The following ATP11B variants were observed in gnomAD, a reference collection of about 807,000 sequenced individuals.
ATP11B encodes phospholipid-transporting ATPase IF.
ATP11B carries 81 observed loss-of-function variants against 157.8 expected under a neutral mutation model. The observed-to-expected ratio is 0.51, with a 90% CI of 0.43 to 0.62. ATP11B has a LOEUF of 0.62. Among genes scored for constraint, ATP11B ranks in the 20% least tolerant of loss-of-function variants. The probability of loss-of-function intolerance (pLI) is 0.00; values close to 1 mark genes in which losing one functional copy is unlikely to be tolerated. For synonymous variants in ATP11B, 451 were observed against 469.4 expected (o/e 0.96, Z 0.51); for missense variants, 1,165 against 1,402.2 (o/e 0.83, Z 2.70).
rs952619333 is a variant in ATP11B, at chr3:182,847,085, CTGT to C, written c.770-1388_770-1386del. Among the ~76,000 whole-genome samples the C allele has an allele frequency of 2.2e-5, 3 of 135,866 alleles. No homozygotes were observed. In the Admixed American group the frequency reaches 2.4e-4, roughly 11 times the overall value. The allele number at this position is 135,866 out of a possible 152,430, so 89.1% of individuals were successfully genotyped here. On this transcript the variant is annotated intron_variant, in intron 9 of 29. Coordinates refer to ENST00000323116, the MANE Select transcript of ATP11B (RefSeq NM_014616.3). ...TTTTTTTTTTTGAGACATGGTTACT[CTGT>C]TGCCCAGGCTGGAGTATAGTTGCAC...
rs1717025222 is a variant in ATP11B at position 182,817,318 on chromosome 3, G to A, written c.28-2942G>A. Among the ~76,000 whole-genome samples, 2 of 151,346 alleles carry A rather than the reference G, an allele frequency of 1.3e-5. 1 individual carries two copies. Among genetic ancestry groups the A allele is most frequent in the South Asian group, 4.2e-4 (2 of 4,804 alleles). The stretch of plus-strand genomic sequence containing the variant: ...TGTTTTTGAGACAGAGTCTTGCTGT[G>A]TTGCCAGGCTGGAGTGCAGTGGCAC... On this transcript the variant is annotated intron_variant, in intron 1 of 29. Transcript: ENST00000323116.
Position 182,842,085 on chromosome 3 carries a change from C to T in ATP11B, c.667C>T (p.Arg223Ter), listed in dbSNP as rs1469578094. 2 of 1,601,312 alleles carry T rather than the reference C, an allele frequency of 1.2e-6. No homozygotes were observed. The highest frequency in any genetic ancestry group is 1.7e-6 in the Non-Finnish European group (2 of 1,170,958). The change falls in exon 8 of 30, where the codon CGA becomes TGA. Residue 223 changes from arginine (R) to a stop codon, truncating the protein, a stop_gained. Transcript: ENST00000323116. LOFTEE classifies it high-confidence loss of function. ...TGAATTTTTTGATAGATTCATGGGA[C>T]GAATGATCATAACCCAACAAATGGA... is the stretch of plus-strand genomic sequence containing the variant. ...PEADLYRFMG[R>*]MIITQQMEEI...
In ATP11B at chr3:182,793,806, C is replaced by A; in HGVS notation, c.27+20C>A. 7.4e-7 allele frequency: 1 copy of A among 1,353,696 alleles called. No individual in the cohort carries two copies. The allele number at this position is 1,353,696 out of a possible 1,614,324, so 83.9% of individuals were successfully genotyped here. On this transcript the variant is annotated intron_variant, in intron 1 of 29. Transcript: ENST00000323116. ...CAGCTGGTAGGTGCCCCCGCCCCTCCACCTCCATTCGTCCGCCCCCGCGGG... is the reference window on the plus strand; with the variant it reads ...CAGCTGGTAGGTGCCCCCGCCCCTCAACCTCCATTCGTCCGCCCCCGCGGG...
chr3:182,912,905 T>G (rs551089055), intron 28 of ATP11B, among the ~76,000 whole-genome samples: 13 of 136,328 alleles, frequency 9.5e-5, no homozygotes, highest in South Asian at 2.1e-4. Flanking sequence ...AAATAAGGTG[T>G]TTTTTTTTTA....
At chr3:182,891,818 G>A (rs1225126609) in intron 25 of ATP11B, among the ~76,000 whole-genome samples, 1 of 152,076 alleles carries the variant, frequency 6.6e-6, no homozygotes, top group African/African-American at 2.4e-5. Flanking sequence ...TCATACCCTG[G>A]CATCTGTAGT....
chr3:182,820,730 A>ATG (rs900538750), intron 2 of ATP11B, among the ~76,000 whole-genome samples: 13 of 152,056 alleles, frequency 8.5e-5, no homozygotes, highest in Admixed American at 1.3e-4. Context: ...AAGTGATTAT[A>ATG]TGTGTGTGTG....
intron 1 of ATP11B, among the ~76,000 whole-genome samples, chr3:182,794,937 C>G (rs2108476139): frequency 6.6e-6 from 1 of 152,078 alleles, no homozygotes; most frequent in African/African-American, 2.4e-5. Context: ...ACTCTTTTTC[C>G]CTTCTGCTCT....
chr3:182,867,229 C>A, intron 14 of ATP11B, 147 bp from the exon 15 acceptor site: 2 of 605,610 alleles, frequency 3.3e-6, no homozygotes, highest in Non-Finnish European at 5.7e-6. Context: ...ACTCCTGGCA[C>A]CAAAGTTGTA....
At chr3:182,907,705 T>C (rs1724471712) in intron 28 of ATP11B, among the ~76,000 whole-genome samples, 1 of 152,256 alleles carries the variant, frequency 6.6e-6, no homozygotes, top group South Asian at 2.1e-4. Context: ...ATTTATGTTA[T>C]GCCTTGGATA....
intron 28 of ATP11B, among the ~76,000 whole-genome samples, chr3:182,912,819 C>T (rs897350481): frequency 1.3e-5 from 2 of 152,164 alleles, no homozygotes; most frequent in African/African-American, 4.8e-5. Flanking sequence ...GAAGTGCAGC[C>T]CTGTATTTAT....
chr3:182,914,090 G>A (rs1435274366), intron 29 of ATP11B, 96 bp downstream of exon 29: 1 of 1,548,880 alleles, frequency 6.5e-7, no homozygotes, highest in Non-Finnish European at 8.7e-7. Context: ...ATCAGCAGCT[G>A]GTTTTACCAA....
intron 19 of ATP11B, among the ~76,000 whole-genome samples, chr3:182,877,031 A>G (rs1349345737): frequency 1.3e-5 from 2 of 152,252 alleles, no homozygotes; most frequent in South Asian, 2.1e-4. Context: ...AAGCTTTAGT[A>G]TATATATCCA....
intron 12 of ATP11B, among the ~76,000 whole-genome samples, chr3:182,860,307 T>A (rs985023430): frequency 2.6e-5 from 4 of 152,208 alleles, no homozygotes; most frequent in Non-Finnish European, 4.4e-5. Flanking sequence ...TCTTCAGAAA[T>A]TTGAAGGGAT....
chr3:182,845,650 C>T, intron 9 of ATP11B, 128 bp downstream of exon 9: 1 of 677,912 alleles, frequency 1.5e-6, no homozygotes, highest in African/African-American at 1.9e-5. Flanking sequence ...TGATAATTTT[C>T]TTATAAAGTT....
chr3:182,841,902 C>A (rs1719056922), intron 7 of ATP11B, among the ~76,000 whole-genome samples, 173 bp from the exon 8 acceptor site: 1 of 148,766 alleles, frequency 6.7e-6, no homozygotes, highest in Admixed American at 6.8e-5. Context: ...TGGCATGAAC[C>A]CAGGAAGCAG....
intron 12 of ATP11B, among the ~76,000 whole-genome samples, chr3:182,861,088 G>T (rs1262223211): frequency 1.4e-5 from 2 of 139,048 alleles, no homozygotes; most frequent in African/African-American, 5.4e-5. Context: ...TTTTTGAGAC[G>T]GAGTTTTGCT....
intron 4 of ATP11B, among the ~76,000 whole-genome samples, chr3:182,831,819 A>G (rs9868534): frequency 0.035 from 5,296 of 152,170 alleles, 316 homozygotes; most frequent in African/African-American, 0.12. Context: ...TTCTATTGAT[A>G]AAAGTTGGTA....
chr3:182,879,074 A>G (rs376185829), intron 19 of ATP11B, among the ~76,000 whole-genome samples: 36 of 152,132 alleles, frequency 2.4e-4, no homozygotes, highest in African/African-American at 8.7e-4. Flanking sequence ...GGAGTTTGAG[A>G]CCAGCCTGGG....
At chr3:182,889,629 A>G in intron 25 of ATP11B, 81 bp downstream of exon 25, 1 of 1,229,944 alleles carries the variant, frequency 8.1e-7, no homozygotes, top group East Asian at 2.8e-5. Context: ...GTAAAATTTA[A>G]TTTAAATTAC....
Sources: gnomAD v4.1 joint callset for allele counts (sites outside exome capture counted in the v4.1 genomes callset) on GRCh38, gnomAD v4.1.1 for gene constraint, MANE v1.5 for transcripts, NCBI Gene and HGNC (gene_info 2026-07-23, HGNC 2026-07-21) for gene names.